RYR2: variants seen among roughly 807,000 people sequenced by gnomAD.
RYR2 encodes the protein cardiac muscle ryanodine receptor-calcium release channel.
In RYR2, 227 loss-of-function variants were observed where a neutral mutation model predicts 601.1. That is an observed-to-expected ratio of 0.38 (90% confidence interval 0.34 to 0.42). RYR2 has a LOEUF of 0.42. RYR2 is among the 10% of genes least tolerant of loss of function. RYR2 has a pLI of 1.00. For synonymous variants in RYR2, 2,223 were observed against 2,175.1 expected (o/e 1.02, Z -0.61); for missense variants, 4,646 against 6,156.5 (o/e 0.75, Z 8.21).
At chr1:237,128,650 G>T (rs1671806135) in intron 1 of RYR2, among the ~76,000 whole-genome samples, 1 of 152,142 alleles carries the variant, frequency 6.6e-6, no homozygotes, top group African/African-American at 2.4e-5. Flanking sequence ...CATGATCTCA[G>T]TTACATTTTA....
At chr1:237,414,908 C>T (rs17631862) in intron 10 of RYR2, among the ~76,000 whole-genome samples, 62,335 of 151,934 alleles carry the variant, frequency 0.41, 13,718 homozygotes, top group East Asian at 0.71. Context: ...TCTACCTCAC[C>T]GAAGACTTGA....
chr1:237,045,609 A>T (rs978614356), intron 1 of RYR2, among the ~76,000 whole-genome samples: 12 of 152,308 alleles, frequency 7.9e-5, no homozygotes, highest in African/African-American at 2.6e-4. Flanking sequence ...GAAAAATCCT[A>T]TCATAAAATA....
chr1:237,334,816 G>T (rs1286644520), intron 3 of RYR2, among the ~76,000 whole-genome samples: 2 of 152,028 alleles, frequency 1.3e-5, no homozygotes, highest in African/African-American at 4.8e-5. Context: ...GATCTATTTT[G>T]CGTATGGATG....
chr1:237,663,068 G>A (rs1291315258), intron 56 of RYR2, among the ~76,000 whole-genome samples: 1 of 152,188 alleles, frequency 6.6e-6, no homozygotes, highest in Non-Finnish European at 1.5e-5. Flanking sequence ...GGGAAAGAAA[G>A]AATATTTCTA....
intron 62 of RYR2, 39 bp downstream of exon 62, chr1:237,680,616 G>C (rs1444819030): frequency 6.5e-7 from 1 of 1,537,320 alleles, no homozygotes; most frequent in East Asian, 2.3e-5. Context: ...GTATGACTTA[G>C]GTGTATATGC....
intron 17 of RYR2, among the ~76,000 whole-genome samples, chr1:237,484,462 G>A (rs1662462737): frequency 1.3e-5 from 2 of 152,152 alleles, no homozygotes; most frequent in South Asian, 2.1e-4. Context: ...TTGTCCCCAC[G>A]TTGGCCTCCT....
chr1:237,685,273 G>C (rs1189697262), intron 62 of RYR2, among the ~76,000 whole-genome samples: 3 of 152,146 alleles, frequency 2.0e-5, no homozygotes, highest in Non-Finnish European at 4.4e-5. Flanking sequence ...CCCTAAAAGT[G>C]GATTGCACAG....
intron 71 of RYR2, among the ~76,000 whole-genome samples, chr1:237,713,649 G>A (rs537906465): frequency 1.3e-5 from 2 of 151,958 alleles, no homozygotes; most frequent in East Asian, 1.9e-4. Flanking sequence ...TGACGGCCTC[G>A]GCCTCCCAAA....
At position 237,754,711 on chromosome 1, in the gene RYR2, T is replaced by G. The variant is rs558676747; in HGVS notation, c.11146-1577T>G. On this transcript the variant is annotated intron_variant, in intron 80 of 104. Coordinates refer to ENST00000366574, the MANE Select transcript of RYR2 (RefSeq NM_001035.3). ...GGGAGGAACATAAAAGATTGTTGGGTCTAAAAGGAAGAATCAGATGTTGCT... is the reference window on the plus strand; with the variant it reads ...GGGAGGAACATAAAAGATTGTTGGGGCTAAAAGGAAGAATCAGATGTTGCT... 2.0e-5 allele frequency among the ~76,000 whole-genome samples: 3 copies of G among 152,346 alleles called. No individual in the cohort carries two copies. The East Asian group carries it at 5.8e-4, about 29-fold the overall frequency.
chr1:237,305,556 C>T (rs143785160), intron 2 of RYR2, among the ~76,000 whole-genome samples: 2 of 152,136 alleles, frequency 1.3e-5, no homozygotes, highest in African/African-American at 4.8e-5. Context: ...CTCAACCTCC[C>T]AAGTATCTGA....
intron 1 of RYR2, among the ~76,000 whole-genome samples, chr1:237,244,280 T>A (rs1049585582): frequency 3.3e-5 from 5 of 152,208 alleles, no homozygotes; most frequent in African/African-American, 1.2e-4. Flanking sequence ...TCAGTGCATC[T>A]TTGCTTCCAG....
chr1:237,281,887 G>C (rs1572460739), intron 2 of RYR2, among the ~76,000 whole-genome samples: 1 of 152,200 alleles, frequency 6.6e-6, no homozygotes, highest in Admixed American at 6.5e-5. Context: ...CAGATGGTCA[G>C]AGCTGAATTA....
intron 80 of RYR2, among the ~76,000 whole-genome samples, chr1:237,747,809 T>A (rs1692207722): frequency 6.6e-6 from 1 of 152,168 alleles, no homozygotes. Flanking sequence ...TATAAAATAT[T>A]GAAACAATTA....
At chr1:237,245,697 A>T (rs542716977) in intron 1 of RYR2, among the ~76,000 whole-genome samples, 2 of 152,366 alleles carry the variant, frequency 1.3e-5, no homozygotes, top group South Asian at 4.1e-4. Context: ...TATTATATCA[A>T]CAATTGCTGA....
intron 17 of RYR2, among the ~76,000 whole-genome samples, chr1:237,475,540 T>C (rs898903784): frequency 2.6e-5 from 4 of 152,158 alleles, no homozygotes; most frequent in African/African-American, 9.7e-5. Flanking sequence ...TGGGTGGTGG[T>C]AGTAATAAAT....
At chr1:237,211,635 A>G (rs910790084) in intron 1 of RYR2, among the ~76,000 whole-genome samples, 19 of 152,318 alleles carry the variant, frequency 1.2e-4, no homozygotes, top group Non-Finnish European at 2.5e-4. Flanking sequence ...TTTCATTGCA[A>G]TGGATTTATG....
At position 237,626,439 on chromosome 1, in the gene RYR2, T is replaced by C. The variant is rs953279515; in HGVS notation, c.6166+635T>C. ...ACTTACGAAAACTTTTACAGCACTT[T>C]TTTTTGACTTACAACAGAAAACCTT... On this transcript the variant is annotated intron_variant, in intron 40 of 104. Coordinates refer to ENST00000366574, the MANE Select transcript of RYR2 (RefSeq NM_001035.3). Among the ~76,000 whole-genome samples, 13 of 152,204 alleles carry C rather than the reference T, an allele frequency of 8.5e-5. No individual in the cohort carries two copies. In the East Asian group the frequency reaches 1.7e-3, roughly 20 times the overall value.
intron 1 of RYR2, among the ~76,000 whole-genome samples, chr1:237,070,950 C>G (rs773833763): frequency 3.3e-5 from 5 of 152,260 alleles, no homozygotes; most frequent in Non-Finnish European, 7.3e-5. Flanking sequence ...CCCCCAAGGG[C>G]CACTGCTCTT....
At chr1:237,423,373 TC>T in intron 12 of RYR2, 125 bp downstream of exon 12, 1 of 1,156,406 alleles carries the variant, frequency 8.6e-7, no homozygotes, top group Non-Finnish European at 1.2e-6. Context: ...ATTTCTAAAT[TC>T]CCAGTTTCTC....
Sources: gnomAD v4.1 joint callset for allele counts (sites outside exome capture counted in the v4.1 genomes callset) on GRCh38, gnomAD v4.1.1 for gene constraint, MANE v1.5 for transcripts, NCBI Gene and HGNC (gene_info 2026-07-23, HGNC 2026-07-21) for gene names.